ADAM17: variants seen among roughly 807,000 people sequenced by gnomAD.
ADAM17 encodes the protein ADAM metallopeptidase domain 17, also known as disintegrin and metalloproteinase domain-containing protein 17.
In ADAM17, 39 loss-of-function variants were observed where a neutral mutation model predicts 96.7. The observed-to-expected ratio is 0.40, with a 90% confidence interval of 0.31 to 0.53. The LOEUF (loss-of-function observed/expected upper bound fraction) is 0.53, where lower values mean the gene tolerates loss of function less well. ADAM17 is among the 20% of genes least tolerant of loss of function. The pLI, the probability that ADAM17 is intolerant of heterozygous loss-of-function variation, is 0.44. For missense variants in ADAM17, 777 were observed against 1,013.2 expected (o/e 0.77, Z 3.17); for synonymous variants, 344 against 359.2 (o/e 0.96, Z 0.48).
In ADAM17 at chr2:9,509,914, CTCATTATGA is replaced by C. The variant is rs1663637976; in HGVS notation, c.1344+56_1344+64del. ...TAGGAATGGAATACGTTTCTGAGCT[CTCATTATGA>C]TCATTATACACAGCCTCTTTCCAAA... is the stretch of plus-strand genomic sequence containing the variant. On this transcript the variant is annotated intron_variant, in intron 11 of 18. Transcript: ENST00000310823. 3.2e-6 allele frequency: 5 copies of C among 1,575,060 alleles called. No individual in the cohort carries two copies. In the South Asian group the frequency reaches 5.7e-5, roughly 18 times the overall value.
chr2:9,492,186 G>T (rs1662210718), intron 17 of ADAM17, among the ~76,000 whole-genome samples: 1 of 152,232 alleles, frequency 6.6e-6, no homozygotes, highest in Admixed American at 6.5e-5. Context: ...CACTATGAAA[G>T]AGTTTGGGAA....
chr2:9,527,909 C>G lies in ADAM17; in HGVS notation c.496G>C (p.Val166Leu). ...TTCTTGATATCTTCAGATTTATAAA[C>G]TAACATTCTTTTGTCTTTGGTATCA... ...VNDTKDKRML[V>L]YKSEDIKNVS... Residue 166 changes from valine (V) to leucine (L), a missense_variant, in exon 5 of 19, where the codon GTT becomes CTT. Around this residue, in one of 3 missense-constraint regions of ADAM17, gnomAD observed 446 missense variants for 664.7 expected, o/e 0.67. Coordinates refer to ENST00000310823, the MANE Select transcript of ADAM17 (RefSeq NM_003183.6). The G allele has an allele frequency of 6.3e-7, 1 of 1,590,620 alleles. No individual in the cohort carries two copies. The highest frequency in any genetic ancestry group is 8.6e-7 in the Non-Finnish European group (1 of 1,167,982).
chr2:9,503,998 C>CA (rs548598998), intron 12 of ADAM17, among the ~76,000 whole-genome samples: 14 of 151,410 alleles, frequency 9.2e-5, no homozygotes, highest in African/African-American at 2.7e-4. Context: ...ATAAAAAATA[C>CA]AAAAAAAATT....
intron 2 of ADAM17, among the ~76,000 whole-genome samples, chr2:9,537,237 T>C (rs1664993157): frequency 6.6e-6 from 1 of 152,204 alleles, no homozygotes; most frequent in African/African-American, 2.4e-5. Context: ...ATGCATCTAT[T>C]ATCCCCACTT....
At chr2:9,509,268 T>G (rs943981803) in intron 11 of ADAM17, among the ~76,000 whole-genome samples, 1 of 152,234 alleles carries the variant, frequency 6.6e-6, no homozygotes, top group Non-Finnish European at 1.5e-5. Context: ...CTTTATGCTG[T>G]TTAACTTCAA....
chr2:9,513,196 T>C (rs1663839372), intron 10 of ADAM17, among the ~76,000 whole-genome samples: 1 of 152,194 alleles, frequency 6.6e-6, no homozygotes, highest in Non-Finnish European at 1.5e-5. Flanking sequence ...GGTTTCACCA[T>C]GTTGGTCAGG....
At chr2:9,545,145 T>C (rs1229032092) in intron 1 of ADAM17, among the ~76,000 whole-genome samples, 2 of 152,180 alleles carry the variant, frequency 1.3e-5, no homozygotes, top group African/African-American at 4.8e-5. Flanking sequence ...CATCATCAAC[T>C]GGGAATTTGT....
chr2:9,505,599 C>A, intron 11 of ADAM17: 2 of 527,464 alleles, frequency 3.8e-6, no homozygotes, highest in East Asian at 6.7e-5. Context: ...ATCTATAATT[C>A]TTCTTACGAA....
intron 13 of ADAM17, among the ~76,000 whole-genome samples, chr2:9,497,985 CATATT>C (rs1662733201): frequency 6.6e-6 from 1 of 152,150 alleles, no homozygotes; most frequent in Non-Finnish European, 1.5e-5. Flanking sequence ...CAATCCCTAT[CATATT>C]ATAGGTATAC....
At chr2:9,514,566 T>TATATAA (rs1558509998) in intron 10 of ADAM17, among the ~76,000 whole-genome samples, 2 of 92,350 alleles carry the variant, frequency 2.2e-5, no homozygotes, top group South Asian at 3.3e-4. Flanking sequence ...TATATATATA[T>TATATAA]ATAAATAAAA....
chr2:9,504,372 G>C (rs1572902681), intron 12 of ADAM17, among the ~76,000 whole-genome samples: 1 of 152,136 alleles, frequency 6.6e-6, no homozygotes, highest in Non-Finnish European at 1.5e-5. Flanking sequence ...TTGAACCTGG[G>C]AGGCGGAGAT....
At position 9,505,286 on chromosome 2, in the gene ADAM17, T is replaced by C; in HGVS notation, c.1424A>G (p.Asn475Ser). Residue 475 changes from asparagine to serine, a missense_variant, in exon 12 of 19, where the codon AAT becomes AGT. Asn to Ser is a conservative substitution (Grantham distance 46). Around this residue, in one of 3 missense-constraint regions of ADAM17, gnomAD observed 446 missense variants for 664.7 expected, o/e 0.67. Transcript: ENST00000310823. ...KAQECFQERS[N>S]KVCGNSRVDE... is the part of the protein sequence containing the mutation. Reference sequence around the variant, plus strand: ...CACCCTCGAGTTCCCACAAACTTTATTGCTGCGTTCTTGAAAACACTCCTG... The same window carrying C: ...CACCCTCGAGTTCCCACAAACTTTACTGCTGCGTTCTTGAAAACACTCCTG... The C allele has an allele frequency of 6.2e-7, 1 of 1,614,204 alleles. No homozygotes were observed. The highest frequency in any genetic ancestry group is 2.2e-5 in the East Asian group (1 of 44,880).
intron 7 of ADAM17, 33 bp downstream of exon 7, chr2:9,523,214 CTT>C (rs1347724951): frequency 3.4e-6 from 5 of 1,467,618 alleles, no homozygotes; most frequent in Non-Finnish European, 4.7e-6. Flanking sequence ...CATTACAAAA[CTT>C]AAGTAATATA....
chr2:9,514,418 A>C (rs1288285607), intron 10 of ADAM17, among the ~76,000 whole-genome samples: 12 of 148,224 alleles, frequency 8.1e-5, no homozygotes, highest in Non-Finnish European at 1.2e-4. Flanking sequence ...AATGTAAATG[A>C]CGAGTTAATG....
Position 9,495,711 on chromosome 2 carries a change from CAA to C in ADAM17, c.1784-946_1784-945del, listed in dbSNP as rs367778507. 3.6e-5 allele frequency among the ~76,000 whole-genome samples: 5 copies of C among 140,412 alleles called. No homozygotes were observed. The South Asian group carries it at 6.9e-4, about 19-fold the overall frequency. 92.1% of individuals were successfully genotyped at this position (140,412 alleles called of 152,430 possible). A position where few individuals can be genotyped will look rare whatever the true frequency, so the allele number is the denominator to read the frequency against. On this transcript the variant is annotated intron_variant, in intron 14 of 18. Transcript: ENST00000310823. The stretch of plus-strand genomic sequence containing the variant: ...CCTGGGCGAGAGTGAGACTCCATCT[CAA>C]AAAAAAAAAAAGAAAACCTTTTCAT...
chr2:9,516,270 G>A (rs1181171663), intron 10 of ADAM17, among the ~76,000 whole-genome samples: 1 of 150,792 alleles, frequency 6.6e-6, no homozygotes, highest in Non-Finnish European at 1.5e-5. Context: ...TTTTAATTTT[G>A]TAGAGACAGG....
chr2:9,536,558 C>A (rs1441016432), intron 3 of ADAM17, 140 bp downstream of exon 3: 17 of 1,137,480 alleles, frequency 1.5e-5, no homozygotes, highest in Non-Finnish European at 2.0e-5. Flanking sequence ...AACTTATATA[C>A]CTCAAAGAAA....
intron 18 of ADAM17, 73 bp downstream of exon 18, chr2:9,491,028 T>C: frequency 7.3e-7 from 1 of 1,361,320 alleles, no homozygotes; most frequent in Non-Finnish European, 1.0e-6. Context: ...TCTTGCTGGG[T>C]CAGGTGAAGG....
chr2:9,535,457 G>T (rs1664922194), intron 4 of ADAM17, among the ~76,000 whole-genome samples: 1 of 152,112 alleles, frequency 6.6e-6, no homozygotes, highest in Admixed American at 6.6e-5. Flanking sequence ...ACCTTTCATT[G>T]ATCTAGCATT....
Sources: gnomAD v4.1 joint callset for allele counts (sites outside exome capture counted in the v4.1 genomes callset) on GRCh38, gnomAD v4.1.1 for gene constraint, gnomAD v4.1.1 regional missense constraint, MANE v1.5 for transcripts, NCBI Gene and HGNC (gene_info 2026-07-23, HGNC 2026-07-21) for gene names.